Variants in ALDH5A1 observed in about 807,000 individuals in gnomAD.
ALDH5A1 encodes succinate-semialdehyde dehydrogenase, mitochondrial.
Under a neutral mutation model 54.7 loss-of-function variants are expected in ALDH5A1, and 33 were observed. The ratio of observed to expected loss-of-function variants is 0.60; its 90% CI spans 0.46 to 0.81. ALDH5A1 has a LOEUF of 0.81. Ranked by LOEUF, ALDH5A1 falls within the 30% of genes least tolerant of loss-of-function variation. ALDH5A1 has a pLI of 0.00. For synonymous variants in ALDH5A1, 294 were observed against 292.7 expected (o/e 1.00, Z -0.05); for missense variants, 657 against 711.0 (o/e 0.92, Z 0.86).
chr6:24,526,986 A>C (rs374661746), intron 7 of ALDH5A1, among the ~76,000 whole-genome samples: 2,363 of 35,708 alleles, frequency 0.066, 110 homozygotes, highest in Non-Finnish European at 0.12. Flanking sequence ...ATATATATAT[A>C]TATATATATA....
chr6:24,496,360 T>C (rs547763721), intron 1 of ALDH5A1, among the ~76,000 whole-genome samples: 1 of 152,078 alleles, frequency 6.6e-6, no homozygotes, highest in South Asian at 2.1e-4. Context: ...CTGAGTGCAA[T>C]ATGGAAAAAA....
At chr6:24,511,693 A>G (rs1449996028) in intron 4 of ALDH5A1, 2 of 387,250 alleles carry the variant, frequency 5.2e-6, no homozygotes, top group East Asian at 3.6e-5. Context: ...TATTTATGCT[A>G]TCTATTTCAT....
In ALDH5A1 at chr6:24,520,503, G is replaced by C. The variant is rs1314360526; in HGVS notation, c.973G>C (p.Val325Leu). 2 of 1,614,208 alleles carry C rather than the reference G, an allele frequency of 1.2e-6. No homozygotes were observed. Among genetic ancestry groups the C allele is most frequent in the East Asian group, 4.5e-5 (2 of 44,880 alleles). ...VFDSANVDQA[V>L]AGAMASKFRN... ...TGACAGTGCCAACGTGGACCAGGCT[G>C]TAGCAGGGGCCATGGCATCTAAATT... is the stretch of plus-strand genomic sequence containing the variant. Residue 325 changes from valine (V) to leucine (L), a missense_variant, in exon 6 of 10, where the codon GTA becomes CTA. Val to Leu is a conservative substitution (Grantham distance 32). Around this residue, in one of 2 missense-constraint regions of ALDH5A1, gnomAD observed 425 missense variants for 516.4 expected, o/e 0.82. Transcript: ENST00000357578.
At chr6:24,520,363 G>A (rs1168506905) in intron 5 of ALDH5A1, 38 bp from the exon 6 acceptor site, 1 of 1,612,816 alleles carries the variant, frequency 6.2e-7, no homozygotes, top group South Asian at 1.1e-5. Flanking sequence ...CCTGGTAATG[G>A]ATTTCTGTGC....
At position 24,495,249 on chromosome 6, in the gene ALDH5A1, G is replaced by A; in HGVS notation, c.253G>A (p.Ala85Thr). 6.6e-7 allele frequency: 1 copy of A among 1,526,334 alleles called. No homozygotes were observed. The highest frequency in any genetic ancestry group is 1.4e-5 in the African/African-American group (1 of 71,574). 94.5% of individuals were successfully genotyped at this position (1,526,334 alleles called of 1,614,324 possible). The change falls in exon 1 of 10, where the codon GCC becomes ACC. Residue 85 changes from alanine to threonine, a missense_variant. Around this residue, in one of 2 missense-constraint regions of ALDH5A1, gnomAD observed 232 missense variants for 194.6 expected, o/e 1.19. Coordinates refer to ENST00000357578, the MANE Select transcript of ALDH5A1 (RefSeq NM_001080.3). ...CCCCGTGCAAGACCCGGCCAGCGGC[G>A]CCGCTCTGGGCATGGTAGCCGACTG... ...TFPVQDPASG[A>T]ALGMVADCGV...
At chr6:24,504,397 A>G (rs1395127497) in intron 3 of ALDH5A1, among the ~76,000 whole-genome samples, 1 of 152,236 alleles carries the variant, frequency 6.6e-6, no homozygotes, top group Non-Finnish European at 1.5e-5. Flanking sequence ...CCATTTTCAA[A>G]ACCATTGCTA....
At chr6:24,515,097 CTTTT>C (rs1171355319) in intron 4 of ALDH5A1, 66 bp from the exon 5 acceptor site, 30 of 1,311,336 alleles carry the variant, frequency 2.3e-5, no homozygotes, top group Admixed American at 4.5e-5. Flanking sequence ...ATTTATTTCT[CTTTT>C]CTTTTTTTTT....
At chr6:24,503,837 G>T (rs886854677) in intron 3 of ALDH5A1, among the ~76,000 whole-genome samples, 21 of 152,114 alleles carry the variant, frequency 1.4e-4, no homozygotes, top group Admixed American at 1.2e-3. Context: ...TTAATTGATG[G>T]TTATCATCAA....
intron 5 of ALDH5A1, among the ~76,000 whole-genome samples, chr6:24,519,334 G>A (rs905414044): frequency 5.9e-5 from 9 of 152,180 alleles, no homozygotes; most frequent in African/African-American, 2.2e-4. Context: ...GGAGGCTGAG[G>A]CAGACAGATC....
At chr6:24,532,464 C>A (rs767356329) in intron 9 of ALDH5A1, among the ~76,000 whole-genome samples, 2 of 152,128 alleles carry the variant, frequency 1.3e-5, no homozygotes, top group Non-Finnish European at 2.9e-5. Context: ...TCTCAAAGTC[C>A]CACATTCTCA....
At chr6:24,519,653 T>C (rs2127387055) in intron 5 of ALDH5A1, among the ~76,000 whole-genome samples, 1 of 152,144 alleles carries the variant, frequency 6.6e-6, no homozygotes, top group East Asian at 1.9e-4. Flanking sequence ...GAGCAAGATA[T>C]AAAGGGTTAT....
At chr6:24,526,961 TATATGTGTGTGTG>T (rs370559814) in intron 7 of ALDH5A1, among the ~76,000 whole-genome samples, 15 of 9,618 alleles carry the variant, frequency 1.6e-3, no homozygotes, top group South Asian at 3.9e-3. Context: ...CTAATATATA[TATATGTGTGTGTG>T]TATATATATA....
intron 4 of ALDH5A1, chr6:24,511,865 G>A (rs1025541510): frequency 3.4e-6 from 2 of 593,986 alleles, no homozygotes; most frequent in Non-Finnish European, 6.2e-6. Context: ...TGGATCCATT[G>A]TTGGTGAGCT....
At chr6:24,526,859 C>CTA (rs1179132648) in intron 7 of ALDH5A1, among the ~76,000 whole-genome samples, 1,812 of 124,528 alleles carry the variant, frequency 0.015, 50 homozygotes, top group African/African-American at 0.06. Flanking sequence ...TATATATATT[C>CTA]TATATATATA....
At chr6:24,531,300 A>G (rs1218795044) in intron 8 of ALDH5A1, among the ~76,000 whole-genome samples, 1 of 152,384 alleles carries the variant, frequency 6.6e-6, no homozygotes, top group South Asian at 2.1e-4. Flanking sequence ...TTTACATAAA[A>G]TGTGAACTGG....
intron 4 of ALDH5A1, among the ~76,000 whole-genome samples, chr6:24,511,267 G>C (rs992093572): frequency 5.3e-5 from 8 of 152,150 alleles, no homozygotes; most frequent in Non-Finnish European, 1.2e-4. Context: ...TCCTTCGTCT[G>C]AACTTCAGGT....
intron 1 of ALDH5A1, among the ~76,000 whole-genome samples, chr6:24,496,494 A>G (rs1358473533): frequency 6.6e-6 from 1 of 152,172 alleles, no homozygotes; most frequent in Non-Finnish European, 1.5e-5. Flanking sequence ...TGGCCTGAAC[A>G]ACAGACATTT....
intron 4 of ALDH5A1, 105 bp downstream of exon 4, chr6:24,505,090 C>T (rs1759312220): frequency 1.8e-6 from 2 of 1,122,414 alleles, no homozygotes; most frequent in Non-Finnish European, 2.7e-6. Flanking sequence ...TTGCTTACGC[C>T]TCCTGATGCA....
chr6:24,496,885 G>A (rs1054766467), intron 1 of ALDH5A1, among the ~76,000 whole-genome samples: 10 of 152,124 alleles, frequency 6.6e-5, no homozygotes, highest in Admixed American at 6.5e-4. Context: ...GATACTGGGG[G>A]GTTAGGACTT....
Sources: gnomAD v4.1 joint callset for allele counts (sites outside exome capture counted in the v4.1 genomes callset) on GRCh38, gnomAD v4.1.1 for gene constraint, gnomAD v4.1.1 regional missense constraint, MANE v1.5 for transcripts, NCBI Gene and HGNC (gene_info 2026-07-23, HGNC 2026-07-21) for gene names.